The following DNAJC1 variants were observed in gnomAD, a reference collection of about 807,000 sequenced individuals.
DNAJC1 encodes the protein dnaJ homolog subfamily C member 1.
A neutral mutation model predicts 76.6 loss-of-function variants in DNAJC1; 58 were observed. That is an observed-to-expected ratio of 0.76 (90% confidence interval 0.61 to 0.94). The LOEUF (loss-of-function observed/expected upper bound fraction) is 0.94, where lower values mean the gene tolerates loss of function less well. Ranked by LOEUF, DNAJC1 falls within the 40% of genes least tolerant of loss-of-function variation. The pLI, the probability that DNAJC1 is intolerant of heterozygous loss-of-function variation, is 0.00. For missense variants in DNAJC1, 689 were observed against 677.3 expected (o/e 1.02, Z -0.19); for synonymous variants, 258 against 267.9 (o/e 0.96, Z 0.36).
intron 1 of DNAJC1, among the ~76,000 whole-genome samples, chr10:21,972,378 C>A (rs1837994933): frequency 1.3e-5 from 2 of 151,856 alleles, no homozygotes; most frequent in Admixed American, 6.5e-5. Flanking sequence ...ATGAGGAATT[C>A]ATAGTTAAAG....
intron 8 of DNAJC1, among the ~76,000 whole-genome samples, chr10:21,874,380 A>G (rs1158431486): frequency 6.6e-6 from 1 of 151,858 alleles, no homozygotes; most frequent in African/African-American, 2.4e-5. Flanking sequence ...TGATTATGCC[A>G]CTGTGCTCCA....
intron 6 of DNAJC1, among the ~76,000 whole-genome samples, chr10:21,917,488 G>A (rs933453174): frequency 7.2e-5 from 11 of 151,772 alleles, no homozygotes; most frequent in South Asian, 6.2e-4. Flanking sequence ...CCTATTGCAC[G>A]GATTCTAAAG....
chr10:21,784,765 C>T (rs894384242), intron 9 of DNAJC1, among the ~76,000 whole-genome samples: 10 of 152,102 alleles, frequency 6.6e-5, no homozygotes, highest in Non-Finnish European at 4.4e-5. Flanking sequence ...ATGGATAAAG[C>T]TGGAAACCAT....
chr10:21,828,752 T>C (rs1589999207), intron 8 of DNAJC1, among the ~76,000 whole-genome samples: 2 of 152,340 alleles, frequency 1.3e-5, no homozygotes. Context: ...AGTAACATTT[T>C]TGGAAGGATT....
chr10:21,880,889 A>C (rs970368015), intron 8 of DNAJC1, among the ~76,000 whole-genome samples: 1 of 152,214 alleles, frequency 6.6e-6, no homozygotes, highest in Non-Finnish European at 1.5e-5. Flanking sequence ...TCTAGCCATG[A>C]AAGTCCTAGA....
chr10:21,813,426 T>C (rs958860538), intron 8 of DNAJC1, among the ~76,000 whole-genome samples: 4 of 149,574 alleles, frequency 2.7e-5, no homozygotes, highest in African/African-American at 7.4e-5. Context: ...TCTCACTCTG[T>C]CGCCCAGGCT....
chr10:21,983,709 A>T (rs1838193501), intron 1 of DNAJC1, among the ~76,000 whole-genome samples: 1 of 132,418 alleles, frequency 7.6e-6, no homozygotes, highest in Admixed American at 8.0e-5. Flanking sequence ...CAACAGAGCG[A>T]GATTCTGTCT....
intron 3 of DNAJC1, among the ~76,000 whole-genome samples, chr10:21,927,205 C>T (rs900496690): frequency 2.0e-5 from 3 of 152,136 alleles, no homozygotes; most frequent in African/African-American, 7.2e-5. Flanking sequence ...CCAATGCCAG[C>T]CCTTGTTATA....
At chr10:21,916,990 C>G (rs961116488) in intron 6 of DNAJC1, among the ~76,000 whole-genome samples, 1 of 151,762 alleles carries the variant, frequency 6.6e-6, no homozygotes, top group Non-Finnish European at 1.5e-5. Context: ...ATCCATTTAT[C>G]AAGAAGAAAT....
chr10:21,804,660 CAAA>C (rs56713100), intron 9 of DNAJC1, among the ~76,000 whole-genome samples: 1 of 99,788 alleles, frequency 1.0e-5, no homozygotes. Flanking sequence ...TGAAACACAG[CAAA>C]AAAAAAAAAA....
intron 6 of DNAJC1, among the ~76,000 whole-genome samples, chr10:21,915,969 C>T (rs1836947688): frequency 6.6e-6 from 1 of 151,270 alleles, no homozygotes; most frequent in African/African-American, 2.4e-5. Context: ...ATGGCAAGAC[C>T]CTGTCTCTAA....
At chr10:21,908,491 G>GGT (rs1554896062) in intron 6 of DNAJC1, among the ~76,000 whole-genome samples, 1 of 147,568 alleles carries the variant, frequency 6.8e-6, no homozygotes, top group Non-Finnish European at 1.5e-5. Flanking sequence ...ATTTTTCATG[G>GGT]GGGGGGGGTG....
At chr10:21,951,274 C>T (rs1327872849) in intron 1 of DNAJC1, among the ~76,000 whole-genome samples, 19 of 151,680 alleles carry the variant, frequency 1.3e-4, no homozygotes, top group African/African-American at 4.6e-4. Context: ...GAGCTGAGAT[C>T]ATGCCACTGC....
At chr10:21,780,561 C>T (rs1402376146) in intron 9 of DNAJC1, among the ~76,000 whole-genome samples, 1 of 152,124 alleles carries the variant, frequency 6.6e-6, no homozygotes, top group Non-Finnish European at 1.5e-5. Flanking sequence ...ATTTTGTCAC[C>T]ACCAGGCCTG....
intron 8 of DNAJC1, among the ~76,000 whole-genome samples, chr10:21,818,947 G>A (rs1032095096): frequency 2.6e-5 from 4 of 152,092 alleles, no homozygotes; most frequent in African/African-American, 7.2e-5. Context: ...TTAGAAAAAT[G>A]CAGAAGAGTA....
At chr10:21,779,106 ACTGGGTTGAG>A (rs1446482534) in intron 9 of DNAJC1, among the ~76,000 whole-genome samples, 2 of 152,238 alleles carry the variant, frequency 1.3e-5, no homozygotes, top group African/African-American at 4.8e-5. Flanking sequence ...GGAAGCTCGA[ACTGGGTTGAG>A]CCCACTGCAG....
At chr10:21,849,683 A>G (rs1195293156) in intron 8 of DNAJC1, among the ~76,000 whole-genome samples, 1 of 152,162 alleles carries the variant, frequency 6.6e-6, no homozygotes, top group Admixed American at 6.5e-5. Flanking sequence ...ATAGACCAAT[A>G]TTGTTTATAG....
chr10:21,778,405 G>A (rs1235306272), intron 9 of DNAJC1, among the ~76,000 whole-genome samples: 1 of 152,070 alleles, frequency 6.6e-6, no homozygotes, highest in Non-Finnish European at 1.5e-5. Context: ...GTGGGTCACT[G>A]GATGTCACAT....
At chr10:21,938,937 C>T (rs894699579) in intron 1 of DNAJC1, among the ~76,000 whole-genome samples, 2 of 152,206 alleles carry the variant, frequency 1.3e-5, no homozygotes, top group African/African-American at 2.4e-5. Context: ...TGTGGCCAGG[C>T]TGGAGTGCAG....
Sources: gnomAD v4.1 joint callset for allele counts (sites outside exome capture counted in the v4.1 genomes callset) on GRCh38, gnomAD v4.1.1 for gene constraint, MANE v1.5 for transcripts, NCBI Gene and HGNC (gene_info 2026-07-23, HGNC 2026-07-21) for gene names.